The following RBFOX1 variants were observed in gnomAD, a reference collection of about 807,000 sequenced individuals.
RBFOX1 encodes the protein RNA binding protein fox-1 homolog 1.
Under a neutral mutation model 57.7 loss-of-function variants are expected in RBFOX1, and 8 were observed. The observed-to-expected ratio is 0.14, with a 90% CI of 0.08 to 0.25. The LOEUF is 0.25. RBFOX1 is among the 10% of genes least tolerant of loss of function. The pLI, the probability that RBFOX1 is intolerant of heterozygous loss-of-function variation, is 1.00. For synonymous variants in RBFOX1, 326 were observed against 222.4 expected, an observed-to-expected ratio of 1.47 and a Z score of -4.15; for missense variants, 611 against 548.5, an observed-to-expected ratio of 1.11 and a Z score of -1.14.
intron 1 of RBFOX1, among the ~76,000 whole-genome samples, chr16:6,280,961 GTGTGTGTA>G (rs2076315849): frequency 6.7e-6 from 1 of 149,588 alleles, no homozygotes; most frequent in African/African-American, 2.5e-5. Context: ...ATATGTGTGT[GTGTGTGTA>G]TGTGTGTGTA....
chr16:6,386,516 A>G (rs1596440964), intron 2 of RBFOX1, among the ~76,000 whole-genome samples: 1 of 152,160 alleles, frequency 6.6e-6, no homozygotes, highest in African/African-American at 2.4e-5. Flanking sequence ...TGATTCCTGC[A>G]CCTTTTCGAG....
intron 10 of RBFOX1, among the ~76,000 whole-genome samples, chr16:7,609,456 A>G (rs1242618228): frequency 2.6e-5 from 4 of 152,234 alleles, no homozygotes; most frequent in Non-Finnish European, 4.4e-5. Flanking sequence ...ATTTGTAACT[A>G]TAAGAATAAA....
chr16:6,433,571 G>C (rs2094153667), intron 2 of RBFOX1, among the ~76,000 whole-genome samples: 1 of 152,134 alleles, frequency 6.6e-6, no homozygotes, highest in Non-Finnish European at 1.5e-5. Context: ...AAATTCAGTG[G>C]CTTAAAGCAA....
intron 2 of RBFOX1, among the ~76,000 whole-genome samples, chr16:6,335,170 T>A (rs991424912): frequency 5.6e-4 from 85 of 152,326 alleles, no homozygotes; most frequent in African/African-American, 1.9e-3. Flanking sequence ...CAAATGACAC[T>A]CACACTGGAA....
At chr16:7,446,162 C>T (rs1157964827) in intron 4 of RBFOX1, among the ~76,000 whole-genome samples, 1 of 152,186 alleles carries the variant, frequency 6.6e-6, no homozygotes, top group Non-Finnish European at 1.5e-5. Context: ...AGAGCATTGT[C>T]ATTGACAAAT....
At chr16:5,340,071 A>T (rs1260311612) in intron 1 of RBFOX1, among the ~76,000 whole-genome samples, 1 of 152,230 alleles carries the variant, frequency 6.6e-6, no homozygotes, top group Non-Finnish European at 1.5e-5. Context: ...TTTCCTTACC[A>T]TAAGTAGTCT....
chr16:7,665,482 G>A (rs942940552), intron 13 of RBFOX1, among the ~76,000 whole-genome samples: 1 of 152,096 alleles, frequency 6.6e-6, no homozygotes, highest in African/African-American at 2.4e-5. Context: ...TAATATGTAT[G>A]TCAAATTGAA....
At chr16:5,435,700 A>C (rs569708279) in intron 1 of RBFOX1, among the ~76,000 whole-genome samples, 1 of 152,216 alleles carries the variant, frequency 6.6e-6, no homozygotes, top group Admixed American at 6.5e-5. Flanking sequence ...TGTGATCTCA[A>C]GCTGCCATAT....
At chr16:7,112,228 A>C (rs1220023249) in intron 4 of RBFOX1, among the ~76,000 whole-genome samples, 1 of 152,070 alleles carries the variant, frequency 6.6e-6, no homozygotes, top group Admixed American at 6.6e-5. Flanking sequence ...CATTTTTTTG[A>C]GATGGGGTCT....
intron 1 of RBFOX1, among the ~76,000 whole-genome samples, chr16:5,414,310 C>T (rs1354097888): frequency 1.3e-5 from 2 of 152,152 alleles, no homozygotes; most frequent in Non-Finnish European, 2.9e-5. Flanking sequence ...TACTCAGCTG[C>T]TAGGGTCCAG....
intron 1 of RBFOX1, among the ~76,000 whole-genome samples, chr16:5,451,737 C>T (rs1358260012): frequency 1.3e-5 from 2 of 152,222 alleles, no homozygotes; most frequent in Non-Finnish European, 2.9e-5. Context: ...CCGGGTTCCA[C>T]ATACGGATAC....
At chr16:5,480,665 C>G (rs578019490) in intron 2 of RBFOX1, among the ~76,000 whole-genome samples, 38 of 152,290 alleles carry the variant, frequency 2.5e-4, no homozygotes, top group African/African-American at 8.4e-4. Flanking sequence ...CACATGTAGC[C>G]TTGAATATTT....
At chr16:7,048,326 C>A (rs1305259743) in intron 3 of RBFOX1, among the ~76,000 whole-genome samples, 1 of 152,144 alleles carries the variant, frequency 6.6e-6, no homozygotes, top group East Asian at 1.9e-4. Flanking sequence ...GTGGCACAAT[C>A]TTGGCTCACT....
At chr16:7,174,057 G>A (rs1483519524) in intron 4 of RBFOX1, among the ~76,000 whole-genome samples, 3 of 152,200 alleles carry the variant, frequency 2.0e-5, no homozygotes, top group East Asian at 1.9e-4. Context: ...TCTGCTTTGT[G>A]TTAAATGCTG....
At chr16:7,029,107 C>T (rs62018366) in intron 3 of RBFOX1, among the ~76,000 whole-genome samples, 40,776 of 70,256 alleles carry the variant, frequency 0.58, 14,456 homozygotes, top group South Asian at 0.73. Flanking sequence ...CACACACACA[C>T]ACACACACAC....
chr16:5,705,207 T>C (rs77769842), intron 3 of RBFOX1, among the ~76,000 whole-genome samples: 3,134 of 152,286 alleles, frequency 0.021, 99 homozygotes, highest in African/African-American at 0.071. Flanking sequence ...TTCATATTCT[T>C]TCCATCAGCA....
intron 2 of RBFOX1, among the ~76,000 whole-genome samples, chr16:6,478,410 TATATATATATATATATA>T (rs1332934281): frequency 0.019 from 448 of 23,576 alleles, 14 homozygotes; most frequent in African/African-American, 0.09. Flanking sequence ...TATATATATA[TATATATATATATATATA>T]TATTTTTTTT....
At chr16:6,279,582 A>C (rs763770769) in intron 1 of RBFOX1, among the ~76,000 whole-genome samples, 4 of 152,160 alleles carry the variant, frequency 2.6e-5, no homozygotes, top group Non-Finnish European at 4.4e-5. Flanking sequence ...TACAGATCTG[A>C]TTATCTATTG....
chr16:6,723,176 T>C (rs895511013), intron 3 of RBFOX1, among the ~76,000 whole-genome samples: 13 of 152,210 alleles, frequency 8.5e-5, no homozygotes. Flanking sequence ...AGGAAGGCAG[T>C]GTAATATAGT....
Sources: allele counts gnomAD v4.1 joint callset (sites outside exome capture counted in the v4.1 genomes callset), GRCh38; gene constraint gnomAD v4.1.1; transcripts MANE v1.5; gene names NCBI Gene and HGNC (gene_info 2026-07-23, HGNC 2026-07-21).